SOX6: variants seen among roughly 807,000 people sequenced by gnomAD.
SOX6 encodes the protein SRY-box transcription factor 6.
In SOX6, 11 loss-of-function variants were observed where a neutral mutation model predicts 97.8. That is an observed-to-expected ratio of 0.11 (90% CI 0.07 to 0.19). The LOEUF (loss-of-function observed/expected upper bound fraction) is 0.19, where lower values mean the gene tolerates loss of function less well. Among genes scored for constraint, SOX6 ranks in the 10% least tolerant of loss-of-function variants. The probability of loss-of-function intolerance (pLI) is 1.00; values close to 1 mark genes in which losing one functional copy is unlikely to be tolerated. For missense variants in SOX6, 810 were observed against 1,039.5 expected (o/e 0.78, Z 3.04); for synonymous variants, 360 against 371.4 (o/e 0.97, Z 0.35).
At chr11:16,731,645 A>G (rs574358029) in intron 2 of SOX6, among the ~76,000 whole-genome samples, 6 of 152,340 alleles carry the variant, frequency 3.9e-5, no homozygotes, top group African/African-American at 1.4e-4. Flanking sequence ...TATCATACTG[A>G]ATGGGCAAAA....
At chr11:15,973,559 T>C (rs566157330) in intron 15 of SOX6, among the ~76,000 whole-genome samples, 14 of 152,312 alleles carry the variant, frequency 9.2e-5, no homozygotes, top group African/African-American at 2.6e-4. Flanking sequence ...GTTTGAGAAA[T>C]GTATAAATCA....
upstream of SOX6, among the ~76,000 whole-genome samples, chr11:16,479,546 G>C (rs201721105): frequency 1.4e-5 from 2 of 145,168 alleles, no homozygotes; most frequent in Admixed American, 6.8e-5. Flanking sequence ...AAAAAAAAAA[G>C]AACAAGGGAT....
chr11:16,494,870 T>G (rs927921558), intron 4 of SOX6, among the ~76,000 whole-genome samples: 1 of 152,160 alleles, frequency 6.6e-6, no homozygotes, highest in African/African-American at 2.4e-5. Flanking sequence ...CACAGGAAGC[T>G]GCCAGGAGAC....
At chr11:16,052,231 C>T (rs1847703552) in intron 10 of SOX6, among the ~76,000 whole-genome samples, 1 of 152,090 alleles carries the variant, frequency 6.6e-6, no homozygotes, top group African/African-American at 2.4e-5. Flanking sequence ...TAAGTGAATC[C>T]CTTTCCACCA....
At chr11:16,307,413 G>A (rs2134283796) in intron 3 of SOX6, among the ~76,000 whole-genome samples, 1 of 152,236 alleles carries the variant, frequency 6.6e-6, no homozygotes, top group Middle Eastern at 3.4e-3. Context: ...ATAATTTTTA[G>A]GACTATGTAC....
intron 1 of SOX6, among the ~76,000 whole-genome samples, chr11:16,398,565 GA>G (rs548115683): frequency 1.3e-5 from 2 of 151,030 alleles, no homozygotes; most frequent in Non-Finnish European, 3.0e-5. Context: ...CTCCATTATA[GA>G]AAAAAAACTA....
In SOX6 at chr11:16,567,553, A is replaced by ATTTTTTCTTTTTTTTTTTTTTT. The variant is rs1565182421; in HGVS notation, n.609+44527_609+44528insAAAAAAAAAAAAAAAGAAAAAA. On this transcript the variant is annotated intron_variant and non_coding_transcript_variant, in intron 4 of 5. Transcript: ENST00000524520. ...TTTCTCTGTATTAATGGTATGTCAT[A>ATTTTTTCTTTTTTTTTTTTTTT]TTTTTTTCTTTTTTTTTTTTTTTTT... Among the ~76,000 whole-genome samples, 2 of 107,066 alleles carry ATTTTTTCTTTTTTTTTTTTTTT rather than the reference A, an allele frequency of 1.9e-5. 1 individual carries two copies. The allele number at this position is 107,066 out of a possible 152,430, so 70.2% of individuals were successfully genotyped here.
intron 4 of SOX6, among the ~76,000 whole-genome samples, chr11:16,499,418 C>T (rs1412984045): frequency 1.3e-5 from 2 of 152,094 alleles, no homozygotes; most frequent in African/African-American, 4.8e-5. Context: ...CAAGAGAAAA[C>T]ACATTCAAAA....
At chr11:16,138,998 T>C (rs1033035387) in intron 6 of SOX6, among the ~76,000 whole-genome samples, 1 of 152,208 alleles carries the variant, frequency 6.6e-6, no homozygotes, top group African/African-American at 2.4e-5. Context: ...AGTTATTTTG[T>C]AGACTGTACC....
At chr11:16,350,529 G>A (rs1032835606) in intron 1 of SOX6, among the ~76,000 whole-genome samples, 1 of 152,104 alleles carries the variant, frequency 6.6e-6, no homozygotes, top group Admixed American at 6.6e-5. Flanking sequence ...CCCAGGCAAA[G>A]GGGATTGCAA....
At chr11:16,176,062 C>A (rs563860630) in intron 6 of SOX6, among the ~76,000 whole-genome samples, 1 of 113,562 alleles carries the variant, frequency 8.8e-6, no homozygotes, top group South Asian at 3.7e-4. Context: ...GACGGACAGA[C>A]GGACGGACGG....
chr11:16,208,507 T>TA (rs948852127), intron 4 of SOX6, among the ~76,000 whole-genome samples: 3 of 152,210 alleles, frequency 2.0e-5, no homozygotes, highest in African/African-American at 7.2e-5. Context: ...ACTGCTTTTT[T>TA]AAAAAATAGA....
At chr11:16,692,050 C>CGTGT (rs1284200505) in intron 3 of SOX6, among the ~76,000 whole-genome samples, 29 of 124,774 alleles carry the variant, frequency 2.3e-4, no homozygotes, top group African/African-American at 8.8e-4. Flanking sequence ...TTTTGATTTG[C>CGTGT]GTGTGCGTGT....
At chr11:16,609,283 G>C (rs1254447621) in intron 4 of SOX6, among the ~76,000 whole-genome samples, 18 of 152,348 alleles carry the variant, frequency 1.2e-4, no homozygotes, top group Non-Finnish European at 2.9e-5. Context: ...CTAGATTTGA[G>C]AAACTGAGGT....
intron 4 of SOX6, among the ~76,000 whole-genome samples, chr11:16,199,368 T>A (rs1851872165): frequency 6.6e-6 from 1 of 152,164 alleles, no homozygotes; most frequent in Non-Finnish European, 1.5e-5. Context: ...GCATTTCGCA[T>A]TTTTTCTCTA....
At chr11:16,728,094 G>T (rs536443103) in intron 2 of SOX6, among the ~76,000 whole-genome samples, 6 of 152,158 alleles carry the variant, frequency 3.9e-5, no homozygotes, top group South Asian at 4.1e-4. Context: ...CCAGTGAGGG[G>T]CTTATAGATA....
intron 2 of SOX6, among the ~76,000 whole-genome samples, chr11:16,319,012 TA>T (rs1313664341): frequency 6.6e-6 from 1 of 152,212 alleles, no homozygotes; most frequent in Admixed American, 6.6e-5. Context: ...GACTAATTAT[TA>T]GGCTTGGTAA....
chr11:16,504,567 G>GA (rs71313432), intron 4 of SOX6, among the ~76,000 whole-genome samples: 55,684 of 150,680 alleles, frequency 0.37, 10,352 homozygotes, highest in Admixed American at 0.44. Flanking sequence ...ACCACTGATG[G>GA]AAAAAAAAAT....
chr11:16,392,314 A>T (rs1436130830), intron 1 of SOX6, among the ~76,000 whole-genome samples: 1 of 152,136 alleles, frequency 6.6e-6, no homozygotes, highest in African/African-American at 2.4e-5. Context: ...ATAATTATTA[A>T]TTCAACAAAT....
Sources: gnomAD v4.1 joint callset for allele counts (sites outside exome capture counted in the v4.1 genomes callset) on GRCh38, gnomAD v4.1.1 for gene constraint, MANE v1.5 for transcripts, NCBI Gene and HGNC (gene_info 2026-07-23, HGNC 2026-07-21) for gene names.